SCMH1: variants seen among roughly 807,000 people sequenced by gnomAD.
The protein encoded by SCMH1 is polycomb protein SCMH1.
SCMH1 carries 37 observed loss-of-function variants against 70.8 expected under a neutral mutation model. The observed-to-expected ratio is 0.52, with a 90% CI of 0.40 to 0.69. The LOEUF (loss-of-function observed/expected upper bound fraction) is 0.69, where lower values mean the gene tolerates loss of function less well. Among genes scored for constraint, SCMH1 ranks in the 30% least tolerant of loss-of-function variants. The pLI is 0.00. For missense variants in SCMH1, 607 were observed against 827.3 expected (o/e 0.73, Z 3.27); for synonymous variants, 292 against 307.4 (o/e 0.95, Z 0.52).
intron 13 of SCMH1, among the ~76,000 whole-genome samples, chr1:41,034,858 G>C (rs575252367): frequency 1.3e-4 from 20 of 152,202 alleles, no homozygotes; most frequent in African/African-American, 4.8e-4. Flanking sequence ...ATAGATATCT[G>C]GGTTTCTGCC....
chr1:41,080,542 T>C (rs967308267), intron 8 of SCMH1, among the ~76,000 whole-genome samples: 16 of 152,170 alleles, frequency 1.1e-4, no homozygotes, highest in African/African-American at 3.9e-4. Flanking sequence ...CAATCCTATA[T>C]ATATCATATC....
At chr1:41,080,476 T>C (rs1056009003) in intron 8 of SCMH1, among the ~76,000 whole-genome samples, 12 of 152,090 alleles carry the variant, frequency 7.9e-5, no homozygotes, top group Non-Finnish European at 1.5e-4. Flanking sequence ...CCAAAATCTT[T>C]AACAAAGTAT....
At chr1:41,176,087 C>T (rs978100498) in intron 2 of SCMH1, among the ~76,000 whole-genome samples, 4 of 138,658 alleles carry the variant, frequency 2.9e-5, no homozygotes, top group African/African-American at 1.1e-4. Context: ...GCTGAAAGAT[C>T]AACAGTAAAA....
chr1:41,104,565 A>G (rs2149116543), intron 8 of SCMH1, among the ~76,000 whole-genome samples: 1 of 152,346 alleles, frequency 6.6e-6, no homozygotes, highest in African/African-American at 2.4e-5. Flanking sequence ...CATTGTATGT[A>G]TGTATCAAAA....
chr1:41,143,620 T>C (rs1367843798), intron 5 of SCMH1, among the ~76,000 whole-genome samples: 4 of 152,184 alleles, frequency 2.6e-5, no homozygotes, highest in Non-Finnish European at 5.9e-5. Flanking sequence ...TAGTAAGTCT[T>C]GACATATGTA....
chr1:41,226,693 A>G (rs987421042), intron 1 of SCMH1, among the ~76,000 whole-genome samples: 5 of 152,204 alleles, frequency 3.3e-5, no homozygotes, highest in African/African-American at 1.2e-4. Flanking sequence ...TGAACAGAAG[A>G]CATGGTCCCT....
chr1:41,172,129 G>A (rs138804148), intron 2 of SCMH1, among the ~76,000 whole-genome samples: 24 of 148,772 alleles, frequency 1.6e-4, no homozygotes, highest in African/African-American at 5.7e-4. Context: ...AGGCTGCAGT[G>A]AGCCATGTTC....
intron 9 of SCMH1, among the ~76,000 whole-genome samples, chr1:41,074,425 A>G (rs924330634): frequency 1.3e-5 from 2 of 152,236 alleles, no homozygotes; most frequent in Non-Finnish European, 2.9e-5. Flanking sequence ...TTTTGTGAAA[A>G]TCATGGGATA....
At chr1:41,078,292 C>T (rs1658983897) in intron 8 of SCMH1, among the ~76,000 whole-genome samples, 1 of 152,084 alleles carries the variant, frequency 6.6e-6, no homozygotes, top group Admixed American at 6.5e-5. Flanking sequence ...TGCAATCCCA[C>T]AGGGAGAAGA....
chr1:41,049,005 A>G (rs1647166542), intron 10 of SCMH1, 115 bp from the exon 11 acceptor site: 1 of 935,776 alleles, frequency 1.1e-6, no homozygotes, highest in Non-Finnish European at 1.6e-6. Flanking sequence ...CAGAATTCCT[A>G]GCAGCTGAGC....
intron 1 of SCMH1, among the ~76,000 whole-genome samples, chr1:41,200,490 A>G (rs1557806590): frequency 6.9e-6 from 1 of 144,132 alleles, no homozygotes; most frequent in African/African-American, 2.5e-5. Flanking sequence ...AAAATATATA[A>G]ATAAATGTAA....
intron 10 of SCMH1, among the ~76,000 whole-genome samples, chr1:41,049,124 GC>G (rs990020044): frequency 2.6e-5 from 4 of 152,168 alleles, no homozygotes; most frequent in African/African-American, 4.8e-5. Flanking sequence ...TGGAAGAGTG[GC>G]CCAGACCAAA....
chr1:41,085,944 G>C (rs891804332), intron 8 of SCMH1, among the ~76,000 whole-genome samples: 2 of 148,830 alleles, frequency 1.3e-5, no homozygotes, highest in Non-Finnish European at 3.0e-5. Context: ...GGGTTCAAGC[G>C]ATTCTCCTGC....
intron 6 of SCMH1, among the ~76,000 whole-genome samples, chr1:41,121,596 G>A (rs1330688770): frequency 6.6e-6 from 1 of 152,150 alleles, no homozygotes; most frequent in Non-Finnish European, 1.5e-5. Context: ...CTCAGTCATT[G>A]CTTCTGTCTT....
intron 8 of SCMH1, among the ~76,000 whole-genome samples, chr1:41,083,645 C>CA (rs1558726133): frequency 6.6e-6 from 1 of 152,022 alleles, no homozygotes; most frequent in South Asian, 2.1e-4. Context: ...CATATGGAAC[C>CA]AAAAAAGAGC....
chr1:41,124,047 TATAA>T (rs1339376192), intron 6 of SCMH1, among the ~76,000 whole-genome samples: 4 of 152,188 alleles, frequency 2.6e-5, no homozygotes, highest in Non-Finnish European at 5.9e-5. Context: ...TACAATTATA[TATAA>T]ATAATTTTAT....
chr1:41,192,743 T>A (rs1652028465), intron 1 of SCMH1, among the ~76,000 whole-genome samples: 1 of 152,204 alleles, frequency 6.6e-6, no homozygotes, highest in Non-Finnish European at 1.5e-5. Context: ...TAGGTCTCTC[T>A]GACAAACTGA....
intron 10 of SCMH1, 125 bp downstream of exon 10, chr1:41,070,470 A>T (rs1420598606): frequency 6.3e-6 from 8 of 1,276,688 alleles, no homozygotes; most frequent in South Asian, 1.8e-5. Context: ...CAAAGATAAA[A>T]TTTTTTAAAA....
At chr1:41,150,956 A>AG (rs1645025988) in intron 5 of SCMH1, among the ~76,000 whole-genome samples, 1 of 151,458 alleles carries the variant, frequency 6.6e-6, no homozygotes, top group Non-Finnish European at 1.5e-5. Flanking sequence ...AAAAAAAAAA[A>AG]AGAAAACAGA....
Sources: allele counts gnomAD v4.1 joint callset (sites outside exome capture counted in the v4.1 genomes callset), GRCh38; gene constraint gnomAD v4.1.1; transcripts MANE v1.5; gene names NCBI Gene and HGNC (gene_info 2026-07-23, HGNC 2026-07-21).